BRWD1: variants seen among roughly 807,000 people sequenced by gnomAD.
BRWD1 encodes bromodomain and WD repeat-containing protein 1.
BRWD1 carries 82 observed loss-of-function variants against 251.2 expected under a neutral mutation model. The observed-to-expected ratio is 0.33, with a 90% CI of 0.27 to 0.39. The LOEUF (loss-of-function observed/expected upper bound fraction) is 0.39. Among genes scored for constraint, BRWD1 ranks in the 10% least tolerant of loss-of-function variants. The pLI, the probability that BRWD1 is intolerant of heterozygous loss-of-function variation, is 1.00. For synonymous variants in BRWD1, 918 were observed against 902.8 expected (o/e 1.02, Z -0.30); for missense variants, 2,233 against 2,711.6 (o/e 0.82, Z 3.92).
rs1279312102 is a variant in BRWD1 at position 39,195,410 on chromosome 21, G to A, written c.*849C>T. On this transcript the variant is annotated 3_prime_UTR_variant, in exon 41 of 41. Transcript: ENST00000342449. Reference sequence around the variant, plus strand: ...CACACGAATTCCTCTATTTCACAGAGTAAGATTATGGAAGAGCAAGATTTT... The same window carrying A: ...CACACGAATTCCTCTATTTCACAGAATAAGATTATGGAAGAGCAAGATTTT... 2 of 985,420 alleles carry A rather than the reference G, an allele frequency of 2.0e-6. No individual in the cohort carries two copies. Among genetic ancestry groups the A allele is most frequent in the East Asian group, 2.3e-4 (2 of 8,832 alleles). The allele number at this position is 985,420 out of a possible 1,614,324, so 61.0% of individuals were successfully genotyped here.
At chr21:39,293,344 T>C (rs920184690) in intron 8 of BRWD1, among the ~76,000 whole-genome samples, 1 of 151,842 alleles carries the variant, frequency 6.6e-6, no homozygotes, top group Non-Finnish European at 1.5e-5. Flanking sequence ...AATACAAAAA[T>C]TAGCCGGGTG....
intron 13 of BRWD1, among the ~76,000 whole-genome samples, chr21:39,272,463 C>T (rs1293593965): frequency 6.6e-6 from 1 of 151,474 alleles, no homozygotes; most frequent in Non-Finnish European, 1.5e-5. Context: ...GGAGGCAGGG[C>T]TTGCAGTGAG....
chr21:39,282,033 TATATGTATGTAC>T (rs1291313036), intron 8 of BRWD1, among the ~76,000 whole-genome samples: 1 of 151,700 alleles, frequency 6.6e-6, no homozygotes, highest in African/African-American at 2.4e-5. Flanking sequence ...TATGTATAAG[TATATGTATGTAC>T]ATATGTATAT....
intron 10 of BRWD1, 121 bp from the exon 11 acceptor site, chr21:39,277,472 C>A: frequency 1.6e-6 from 1 of 627,178 alleles, no homozygotes; most frequent in South Asian, 3.8e-5. Context: ...TTTATCTCAA[C>A]AGTTACATTT....
At chr21:39,206,498 C>G (rs2032396359) in intron 36 of BRWD1, among the ~76,000 whole-genome samples, 1 of 152,130 alleles carries the variant, frequency 6.6e-6, no homozygotes, top group Admixed American at 6.5e-5. Flanking sequence ...TGAAGTCAAG[C>G]ATCTATATTC....
At position 39,255,805 on chromosome 21, in the gene BRWD1, T is replaced by A. The variant is rs1020160009; in HGVS notation, c.2095A>T (p.Ile699Phe). 4 of 1,614,154 alleles carry A rather than the reference T, an allele frequency of 2.5e-6. No individual in the cohort carries two copies. The South Asian group carries it at 3.3e-5, about 13-fold the overall frequency. ...AGACCAATATTTGGAGGGGACTGAA[T>A]GTCTAAGCTCAGCCTTCTAAAACCT... ...RRGFRRLSLD[I>F]QSPPNIGLRR... is the part of the protein sequence containing the mutation. The change falls in exon 19 of 41, where the codon ATT (isoleucine) becomes TTT (phenylalanine). Residue 699 changes from isoleucine (I) to phenylalanine (F), a missense_variant. Physicochemically the swap from Ile to Phe is conservative, Grantham distance 21. Around this residue, in one of 12 missense-constraint regions of BRWD1, gnomAD observed 73 missense variants for 68.1 expected, o/e 1.07. Coordinates refer to ENST00000342449, the MANE Select transcript of BRWD1 (RefSeq NM_033656.4).
In BRWD1 at chr21:39,196,150, AAT is replaced by A. The variant is rs1442952327; in HGVS notation, c.*107_*108del. 2.7e-6 allele frequency: 4 copies of A among 1,464,390 alleles called. No individual in the cohort carries two copies. The highest frequency in any genetic ancestry group is 1.8e-6 in the Non-Finnish European group (2 of 1,115,764). The allele number at this position is 1,464,390 out of a possible 1,614,324, so 90.7% of individuals were successfully genotyped here. On this transcript the variant is annotated 3_prime_UTR_variant, in exon 41 of 41. Coordinates refer to ENST00000342449, the MANE Select transcript of BRWD1 (RefSeq NM_033656.4). ...TCACATTCATAACTTTTCATAGAAA[AAT>A]ATAAATATATTCCCTGAATTGTAAG...
chr21:39,242,677 C>T (rs1354616158), intron 21 of BRWD1, among the ~76,000 whole-genome samples: 1 of 152,188 alleles, frequency 6.6e-6, no homozygotes, highest in Non-Finnish European at 1.5e-5. Context: ...AGGACAGGCT[C>T]ACTCTCTTGT....
chr21:39,300,949 C>A (rs527872931), intron 4 of BRWD1, among the ~76,000 whole-genome samples: 2 of 152,076 alleles, frequency 1.3e-5, no homozygotes, highest in Admixed American at 1.3e-4. Context: ...GAGGCCAAGG[C>A]GGGCAGATTA....
Position 39,307,891 on chromosome 21 carries a change from T to C in BRWD1, c.198+4950A>G, listed in dbSNP as rs146159859. On this transcript the variant is annotated intron_variant, in intron 4 of 40. Coordinates refer to ENST00000342449, the MANE Select transcript of BRWD1 (RefSeq NM_033656.4). Reference sequence around the variant, plus strand: ...TCTGTATTGTCCTTGACTATAGAGATCTATCATTCTATAGGTATTTCATTT... The same window carrying C: ...TCTGTATTGTCCTTGACTATAGAGACCTATCATTCTATAGGTATTTCATTT... Among the ~76,000 whole-genome samples the C allele has an allele frequency of 4.9e-3, 741 of 152,320 alleles. 5 individuals carry two copies. Among genetic ancestry groups the C allele is most frequent in the African/African-American group, 0.017 (704 of 41,572 alleles).
At chr21:39,295,632 T>C in intron 7 of BRWD1, 111 bp downstream of exon 7, 1 of 847,000 alleles carries the variant, frequency 1.2e-6, no homozygotes, top group South Asian at 2.7e-5. Flanking sequence ...CCATACCTAC[T>C]GAGTCAAAAT....
In BRWD1 at chr21:39,195,029, TTTGGTTAGAAAA is replaced by T; in HGVS notation, c.*1218_*1229del. The T allele has an allele frequency of 2.9e-6, 4 of 1,357,754 alleles. No homozygotes were observed. The highest frequency in any genetic ancestry group is 3.8e-6 in the Non-Finnish European group (4 of 1,057,198). 84.1% of individuals were successfully genotyped at this position (1,357,754 alleles called of 1,614,324 possible). On this transcript the variant is annotated 3_prime_UTR_variant, in exon 41 of 41. Coordinates refer to ENST00000342449, the MANE Select transcript of BRWD1 (RefSeq NM_033656.4). ...CTGGAGTAGCATAACCTATCAAGTA[TTTGGTTAGAAAA>T]TAAGTGTACTATTTGTGTGATAAAC...
At chr21:39,313,986 C>G, upstream of BRWD1, 1 of 419,468 alleles carries the variant, frequency 2.4e-6, no homozygotes, top group South Asian at 1.6e-5. Flanking sequence ...CGATTCACCG[C>G]CGCCCCCCGT....
At chr21:39,288,260 G>A (rs969162946) in intron 8 of BRWD1, among the ~76,000 whole-genome samples, 1 of 152,098 alleles carries the variant, frequency 6.6e-6, no homozygotes, top group Non-Finnish European at 1.5e-5. Flanking sequence ...ATTTCATTAT[G>A]TTGTAGTGTA....
intron 25 of BRWD1, among the ~76,000 whole-genome samples, chr21:39,229,989 A>G (rs1433982258): frequency 9.2e-5 from 14 of 152,060 alleles, no homozygotes; most frequent in Admixed American, 8.5e-4. Flanking sequence ...TGCTCCCACA[A>G]CAGCTTCCCA....
intron 15 of BRWD1, among the ~76,000 whole-genome samples, chr21:39,267,700 C>A: frequency 6.6e-6 from 1 of 152,136 alleles, no homozygotes; most frequent in Non-Finnish European, 1.5e-5. Context: ...AGTGCTAAAA[C>A]CCTTTTACAC....
At chr21:39,237,675 G>T (rs937136730) in intron 22 of BRWD1, among the ~76,000 whole-genome samples, 1 of 152,162 alleles carries the variant, frequency 6.6e-6, no homozygotes, top group African/African-American at 2.4e-5. Flanking sequence ...GTAAAGAAAA[G>T]AATCATTCTT....
At chr21:39,239,440 G>A (rs780083249) in intron 21 of BRWD1, among the ~76,000 whole-genome samples, 6 of 152,126 alleles carry the variant, frequency 3.9e-5, no homozygotes, top group Non-Finnish European at 8.8e-5. Flanking sequence ...TGATAAATTT[G>A]TCCACCAAGT....
At chr21:39,298,287 A>T (rs1568967817) in intron 5 of BRWD1, 145 bp downstream of exon 5, 2 of 1,329,064 alleles carry the variant, frequency 1.5e-6, no homozygotes, top group Non-Finnish European at 1.9e-6. Context: ...TCAATGTTCT[A>T]TGCTAAATGC....
Sources: gnomAD v4.1 joint callset for allele counts (sites outside exome capture counted in the v4.1 genomes callset) on GRCh38, gnomAD v4.1.1 for gene constraint, gnomAD v4.1.1 regional missense constraint, MANE v1.5 for transcripts, NCBI Gene and HGNC (gene_info 2026-07-23, HGNC 2026-07-21) for gene names.